PTPRD: variants seen among roughly 807,000 people sequenced by gnomAD.
PTPRD encodes the protein protein tyrosine phosphatase receptor type D.
A neutral mutation model predicts 214.5 loss-of-function variants in PTPRD; 34 were observed. The ratio of observed to expected loss-of-function variants is 0.16; its 90% confidence interval spans 0.12 to 0.21. The LOEUF (loss-of-function observed/expected upper bound fraction) is 0.21. Ranked by LOEUF, PTPRD falls within the 10% of genes least tolerant of loss-of-function variation. PTPRD has a pLI of 1.00. For synonymous variants in PTPRD, 1,128 were observed against 845.7 expected, an observed-to-expected ratio of 1.33 and a Z score of -5.79; for missense variants, 2,545 against 2,398.7, an observed-to-expected ratio of 1.06 and a Z score of -1.27.
rs530417496 is a variant in PTPRD at position 10,176,724 on chromosome 9, C to T, written c.-544-142934G>A. On this transcript the variant is annotated intron_variant, in intron 3 of 45. Coordinates refer to ENST00000381196, the MANE Select transcript of PTPRD (RefSeq NM_002839.4). ...CAACCATGTTTATGAGCCGCACAGT[C>T]ATCTCTATAAAAGACAAGCTCCAGT... is the stretch of plus-strand genomic sequence containing the variant. Among the ~76,000 whole-genome samples, 45 of 152,076 alleles carry T rather than the reference C, an allele frequency of 3.0e-4. 2 individuals carry two copies. In the East Asian group the frequency reaches 8.3e-3, roughly 28 times the overall value.
At chr9:9,860,095 T>C (rs1039287139) in intron 5 of PTPRD, among the ~76,000 whole-genome samples, 1 of 152,224 alleles carries the variant, frequency 6.6e-6, no homozygotes, top group Non-Finnish European at 1.5e-5. Context: ...AAAATTCACA[T>C]GGCCATGAAC....
intron 2 of PTPRD, among the ~76,000 whole-genome samples, chr9:10,597,301 TATA>T (rs2076847872): frequency 6.6e-6 from 1 of 151,740 alleles, no homozygotes; most frequent in Non-Finnish European, 1.5e-5. Flanking sequence ...CTTTATATCC[TATA>T]ATAACTCAAT....
intron 11 of PTPRD, among the ~76,000 whole-genome samples, chr9:8,976,774 T>A (rs778549371): frequency 6.6e-6 from 1 of 152,104 alleles, no homozygotes; most frequent in African/African-American, 2.4e-5. Context: ...GTAACGTAAT[T>A]GGAGAGTATT....
chr9:9,882,558 T>G (rs2069125978), intron 5 of PTPRD, among the ~76,000 whole-genome samples: 1 of 152,160 alleles, frequency 6.6e-6, no homozygotes, highest in Non-Finnish European at 1.5e-5. Context: ...TTAAATAACC[T>G]TTCTGAAGGA....
intron 9 of PTPRD, among the ~76,000 whole-genome samples, chr9:9,227,638 T>C (rs1335299998): frequency 1.3e-5 from 2 of 152,110 alleles, no homozygotes; most frequent in Non-Finnish European, 2.9e-5. Flanking sequence ...TAAAAAGATA[T>C]CACAACTTCT....
At chr9:9,057,488 C>T (rs2099698528) in intron 10 of PTPRD, among the ~76,000 whole-genome samples, 2 of 151,944 alleles carry the variant, frequency 1.3e-5, no homozygotes, top group Admixed American at 1.3e-4. Flanking sequence ...ATTTAGATTC[C>T]ACTATGACAA....
At chr9:9,745,821 T>C (rs1057314683) in intron 6 of PTPRD, among the ~76,000 whole-genome samples, 3 of 152,234 alleles carry the variant, frequency 2.0e-5, no homozygotes, top group East Asian at 3.9e-4. Flanking sequence ...TTTCATATAG[T>C]ATATAGTAAG....
intron 9 of PTPRD, among the ~76,000 whole-genome samples, chr9:9,279,715 C>A (rs780303123): frequency 9.3e-5 from 14 of 150,812 alleles, no homozygotes; most frequent in Non-Finnish European, 1.9e-4. Flanking sequence ...TTCCCCTCAT[C>A]TCTCCATTTG....
intron 3 of PTPRD, among the ~76,000 whole-genome samples, chr9:10,175,351 T>C (rs1428041866): frequency 1.3e-5 from 2 of 152,100 alleles, no homozygotes; most frequent in Admixed American, 6.6e-5. Flanking sequence ...TGGTTCTTAA[T>C]GAATGATAGC....
At chr9:10,240,923 T>A (rs949866444) in intron 3 of PTPRD, among the ~76,000 whole-genome samples, 2 of 151,708 alleles carry the variant, frequency 1.3e-5, no homozygotes, top group Non-Finnish European at 1.5e-5. Flanking sequence ...ATTACTTCAA[T>A]TCAATATACA....
chr9:10,525,386 C>A (rs2053928525), intron 2 of PTPRD, among the ~76,000 whole-genome samples: 2 of 151,948 alleles, frequency 1.3e-5, no homozygotes, highest in Admixed American at 1.3e-4. Flanking sequence ...GTATTCTAAT[C>A]TTGCTCAGAG....
intron 8 of PTPRD, among the ~76,000 whole-genome samples, chr9:9,546,180 T>C (rs2078764383): frequency 1.3e-5 from 2 of 151,752 alleles, no homozygotes; most frequent in South Asian, 4.1e-4. Context: ...TGTGCATTAA[T>C]CTTAGATCCT....
At chr9:9,604,924 A>G (rs1592795629) in intron 7 of PTPRD, among the ~76,000 whole-genome samples, 1 of 152,044 alleles carries the variant, frequency 6.6e-6, no homozygotes, top group African/African-American at 2.4e-5. Context: ...AAAACTTTAC[A>G]ATATTATTTT....
chr9:8,576,980 A>G (rs1466356238), intron 14 of PTPRD, among the ~76,000 whole-genome samples: 1 of 152,148 alleles, frequency 6.6e-6, no homozygotes, highest in Non-Finnish European at 1.5e-5. Context: ...CTTCAGTACT[A>G]AAACCCTCCA....
intron 6 of PTPRD, among the ~76,000 whole-genome samples, chr9:9,765,518 C>T (rs1024103056): frequency 6.6e-6 from 1 of 152,110 alleles, no homozygotes; most frequent in Admixed American, 6.6e-5. Flanking sequence ...CTGGAAGAAC[C>T]TTGAATAGGA....
At chr9:10,484,386 C>T (rs1411232127) in intron 2 of PTPRD, among the ~76,000 whole-genome samples, 1 of 151,988 alleles carries the variant, frequency 6.6e-6, no homozygotes, top group Non-Finnish European at 1.5e-5. Flanking sequence ...CCAGACTTTA[C>T]CACTATACAA....
At chr9:9,062,306 C>T (rs2099708981) in intron 10 of PTPRD, among the ~76,000 whole-genome samples, 1 of 152,138 alleles carries the variant, frequency 6.6e-6, no homozygotes, top group Non-Finnish European at 1.5e-5. Context: ...CACAAGTTGA[C>T]ACTGCATGGA....
intron 10 of PTPRD, among the ~76,000 whole-genome samples, chr9:9,139,214 G>A (rs115270981): frequency 6.6e-6 from 1 of 151,002 alleles, no homozygotes; most frequent in Non-Finnish European, 1.5e-5. Flanking sequence ...GTAATAGTAA[G>A]TCCTCAATGA....
intron 3 of PTPRD, among the ~76,000 whole-genome samples, chr9:10,294,653 TTAATC>T (rs1260393957): frequency 6.6e-6 from 1 of 151,976 alleles, no homozygotes; most frequent in East Asian, 1.9e-4. Context: ...CAGAGACTGT[TTAATC>T]TAACCTCTAC....
Sources: gnomAD v4.1 joint callset for allele counts (sites outside exome capture counted in the v4.1 genomes callset) on GRCh38, gnomAD v4.1.1 for gene constraint, MANE v1.5 for transcripts, NCBI Gene and HGNC (gene_info 2026-07-23, HGNC 2026-07-21) for gene names.